Variants in SOBP observed in about 807,000 individuals in gnomAD.
The protein encoded by SOBP is sine oculis binding protein homolog.
A neutral mutation model predicts 53.6 loss-of-function variants in SOBP; 4 were observed. The ratio of observed to expected loss-of-function variants is 0.07; its 90% CI spans 0.04 to 0.17. SOBP has a LOEUF of 0.17. Ranked by LOEUF, SOBP falls within the 10% of genes least tolerant of loss-of-function variation. The pLI is 1.00. For synonymous variants in SOBP, 584 were observed against 522.6 expected, an observed-to-expected ratio of 1.12 and a Z score of -1.60; for missense variants, 1,088 against 1,204.7, an observed-to-expected ratio of 0.90 and a Z score of 1.43.
intron 6 of SOBP, among the ~76,000 whole-genome samples, chr6:107,640,847 G>C (rs1025322212): frequency 2.0e-5 from 3 of 152,210 alleles, no homozygotes; most frequent in African/African-American, 7.2e-5. Flanking sequence ...TTAGGGCAGA[G>C]ACTTTGAGGA....
intron 3 of SOBP, chr6:107,529,602 C>T: frequency 2.0e-6 from 2 of 985,404 alleles, no homozygotes; most frequent in Non-Finnish European, 2.4e-6. Flanking sequence ...TTTCTTTGGG[C>T]ACTGGTCAGG....
chr6:107,572,267 C>A (rs1047858286), intron 4 of SOBP, among the ~76,000 whole-genome samples: 1 of 150,642 alleles, frequency 6.6e-6, no homozygotes, highest in Admixed American at 6.6e-5. Flanking sequence ...AAGCCCTAGC[C>A]TTTTGAATAA....
At chr6:107,630,642 C>T (rs1017377961) in intron 5 of SOBP, among the ~76,000 whole-genome samples, 1 of 152,110 alleles carries the variant, frequency 6.6e-6, no homozygotes, top group African/African-American at 2.4e-5. Flanking sequence ...AGTTTTTCCT[C>T]TAATAATTTT....
At chr6:107,550,875 A>G (rs1257469314) in intron 4 of SOBP, among the ~76,000 whole-genome samples, 1 of 152,230 alleles carries the variant, frequency 6.6e-6, no homozygotes, top group Non-Finnish European at 1.5e-5. Context: ...GCTTGAAACA[A>G]TACTACATAA....
rs896414731 is a variant in SOBP at position 107,611,120 on chromosome 6, G to A, written c.670-22394G>A. Among the ~76,000 whole-genome samples the A allele has an allele frequency of 1.3e-5, 2 of 152,216 alleles. 1 individual carries two copies. The highest frequency in any genetic ancestry group is 4.1e-4 in the South Asian group (2 of 4,828). ...GTTCCTTTACTTCTGAAGGTCAAAT[G>A]GTTCTGCCCCTTGTAGCTGCCCCAG... is the stretch of plus-strand genomic sequence containing the variant. On this transcript the variant is annotated intron_variant, in intron 5 of 6. Coordinates refer to ENST00000317357, the MANE Select transcript of SOBP (RefSeq NM_018013.4).
chr6:107,621,106 T>A (rs768229962), intron 5 of SOBP: 3 of 820,654 alleles, frequency 3.7e-6, no homozygotes, highest in Non-Finnish European at 2.9e-6. Flanking sequence ...TTCTGGTGAG[T>A]GATATTATGA....
chr6:107,626,929 A>T (rs1770486576), intron 5 of SOBP, among the ~76,000 whole-genome samples: 1 of 152,138 alleles, frequency 6.6e-6, no homozygotes, highest in African/African-American at 2.4e-5. Context: ...AGAGGATGAG[A>T]TGATCACCGA....
intron 6 of SOBP, among the ~76,000 whole-genome samples, chr6:107,649,537 C>T (rs1771712652): frequency 6.6e-6 from 1 of 152,072 alleles, no homozygotes; most frequent in South Asian, 2.1e-4. Context: ...GTACTTAGTT[C>T]TGAAAGCCAG....
chr6:107,511,069 A>C (rs1022027217), intron 3 of SOBP, among the ~76,000 whole-genome samples: 1 of 152,210 alleles, frequency 6.6e-6, no homozygotes, highest in African/African-American at 2.4e-5. Context: ...TCTGGGAAAT[A>C]GCATATTAGA....
In SOBP at chr6:107,634,116, C is replaced by T. The variant is rs1770850022; in HGVS notation, c.1272C>T (p.Ser424=). 6.2e-7 allele frequency: 1 copy of T among 1,605,634 alleles called. No homozygotes were observed. Among genetic ancestry groups the T allele is most frequent in the Non-Finnish European group, 8.5e-7 (1 of 1,176,090 alleles). The change falls in exon 6 of 7, where the codon AGC becomes AGT. Residue 424 remains serine (S), a synonymous_variant. Transcript: ENST00000317357. The surrounding 1 kb of genome is among the most constrained non-coding windows in gnomAD (Gnocchi z 4.5). ...CGCACCATGCCTCCAACCCCAACAG[C>T]CCCCTGTCCAACCCCATGCTTCCCG... ...GPPHHASNPN[S]PLSNPMLPGI...
At chr6:107,607,298 A>G (rs775014489) in intron 5 of SOBP, among the ~76,000 whole-genome samples, 108 of 152,176 alleles carry the variant, frequency 7.1e-4, no homozygotes, top group Non-Finnish European at 1.3e-3. Flanking sequence ...TTGTTGCACA[A>G]CAGGAAGTGG....
At chr6:107,505,294 A>C (rs1782952295) in intron 2 of SOBP, among the ~76,000 whole-genome samples, 1 of 152,088 alleles carries the variant, frequency 6.6e-6, no homozygotes, top group Non-Finnish European at 1.5e-5. Context: ...ACATGGAAAA[A>C]AAGGTTAATT....
intron 2 of SOBP, among the ~76,000 whole-genome samples, chr6:107,505,736 G>T (rs1782973222): frequency 6.6e-6 from 1 of 152,148 alleles, no homozygotes; most frequent in South Asian, 2.1e-4. Context: ...CTGCAACCTC[G>T]GCCTCGCAGA....
At chr6:107,574,069 C>T (rs2115041928) in intron 4 of SOBP, among the ~76,000 whole-genome samples, 1 of 152,308 alleles carries the variant, frequency 6.6e-6, no homozygotes, top group South Asian at 2.1e-4. Context: ...TACTCAAGTG[C>T]CCTTGCCCCA....
At chr6:107,543,429 C>T (rs1393208580) in intron 4 of SOBP, among the ~76,000 whole-genome samples, 1 of 152,228 alleles carries the variant, frequency 6.6e-6, no homozygotes, top group Non-Finnish European at 1.5e-5. Context: ...GCTTACATTA[C>T]ATGCTCATAC....
chr6:107,558,303 C>T (rs1033637855), intron 4 of SOBP: 4 of 151,614 alleles, frequency 2.6e-5, no homozygotes, highest in African/African-American at 9.7e-5. Context: ...GAGTCTTGCT[C>T]TGTCACCCAG....
chr6:107,543,146 G>T (rs1784199857), intron 4 of SOBP, among the ~76,000 whole-genome samples: 1 of 152,190 alleles, frequency 6.6e-6, no homozygotes, highest in South Asian at 2.1e-4. Context: ...AACAATAAAA[G>T]ATATCATTTG....
chr6:107,629,802 A>G (rs533549475), intron 5 of SOBP, among the ~76,000 whole-genome samples: 1 of 152,336 alleles, frequency 6.6e-6, no homozygotes, highest in South Asian at 2.1e-4. Context: ...TAAATACTCT[A>G]AATGGACTAA....
chr6:107,520,182 G>A (rs1783440047), intron 3 of SOBP, among the ~76,000 whole-genome samples: 2 of 152,160 alleles, frequency 1.3e-5, no homozygotes, highest in Admixed American at 1.3e-4. Context: ...AACAGTGGTG[G>A]CTACACAGAA....
Sources: allele counts gnomAD v4.1 joint callset (sites outside exome capture counted in the v4.1 genomes callset), GRCh38; gene constraint gnomAD v4.1.1; non-coding constraint Gnocchi (gnomAD v3.1); transcripts MANE v1.5; gene names NCBI Gene and HGNC (gene_info 2026-07-23, HGNC 2026-07-21).